The following FRAS1 variants were observed in gnomAD, a reference collection of about 807,000 sequenced individuals.
FRAS1 encodes the protein Fraser extracellular matrix complex subunit 1.
In FRAS1, 290 loss-of-function variants were observed where a neutral mutation model predicts 435.2. That is an observed-to-expected ratio of 0.67 (90% CI 0.61 to 0.73). FRAS1 has a LOEUF of 0.73. FRAS1 is among the 30% of genes least tolerant of loss of function. The pLI, the probability that FRAS1 is intolerant of heterozygous loss-of-function variation, is 0.00. For synonymous variants in FRAS1, 1,800 were observed against 1,851.0 expected (o/e 0.97, Z 0.71); for missense variants, 4,860 against 5,001.5 (o/e 0.97, Z 0.85).
intron 2 of FRAS1, among the ~76,000 whole-genome samples, chr4:78,189,377 C>T (rs986793456): frequency 6.6e-6 from 1 of 152,192 alleles, no homozygotes; most frequent in African/African-American, 2.4e-5. Flanking sequence ...CTCTGATATT[C>T]CTATAATGAG....
intron 6 of FRAS1, among the ~76,000 whole-genome samples, chr4:78,263,217 G>A (rs552290256): frequency 7.2e-4 from 109 of 152,344 alleles, no homozygotes; most frequent in Middle Eastern, 3.4e-3. Flanking sequence ...TGGCTGTAAA[G>A]CACCAGCCCA....
rs79406886 is a variant in FRAS1 at position 78,496,211 on chromosome 4, C to T, written c.8959-594C>T. ...CTGTTGAGAAACACTTGGTTTCTTT[C>T]CATCAAACAGGGATTTGGATTGTGG... is the stretch of plus-strand genomic sequence containing the variant. On this transcript the variant is annotated intron_variant, in intron 59 of 73. Coordinates refer to ENST00000512123, the MANE Select transcript of FRAS1 (RefSeq NM_025074.7). 5.3e-4 allele frequency among the ~76,000 whole-genome samples: 80 copies of T among 152,296 alleles called. 1 individual carries two copies. The East Asian group carries it at 0.012, about 23-fold the overall frequency.
chr4:78,088,479 G>C (rs1741325176), intron 2 of FRAS1, among the ~76,000 whole-genome samples: 1 of 151,860 alleles, frequency 6.6e-6, no homozygotes, highest in South Asian at 2.1e-4. Flanking sequence ...ACTACCATCA[G>C]AGTGAACAGG....
At chr4:78,173,365 T>C (rs1455923174) in intron 2 of FRAS1, among the ~76,000 whole-genome samples, 1 of 152,232 alleles carries the variant, frequency 6.6e-6, no homozygotes, top group Non-Finnish European at 1.5e-5. Flanking sequence ...ATCCTGATGC[T>C]GTTGTCTCCT....
intron 2 of FRAS1, among the ~76,000 whole-genome samples, chr4:78,195,772 C>A (rs925146502): frequency 6.6e-6 from 1 of 152,082 alleles, no homozygotes; most frequent in Non-Finnish European, 1.5e-5. Flanking sequence ...GTGCGCTGCA[C>A]CCACTGTCCT....
At chr4:78,392,265 T>C (rs1023052726) in intron 29 of FRAS1, among the ~76,000 whole-genome samples, 3 of 152,192 alleles carry the variant, frequency 2.0e-5, no homozygotes, top group African/African-American at 7.2e-5. Flanking sequence ...ATAGCTATGA[T>C]ATAAATGAGA....
chr4:78,161,175 GA>G (rs200489858), intron 2 of FRAS1, among the ~76,000 whole-genome samples: 7,606 of 152,004 alleles, frequency 0.05, 257 homozygotes, highest in Admixed American at 0.084. Flanking sequence ...GCTTTATAAA[GA>G]AAAGGAAAGT....
intron 2 of FRAS1, among the ~76,000 whole-genome samples, chr4:78,161,742 CAAAAAAAAAA>C (rs71214399): frequency 6.0e-4 from 15 of 24,884 alleles, no homozygotes; most frequent in African/African-American, 1.6e-3. Context: ...AACTCTGTCT[CAAAAAAAAAA>C]AAAAAAAAAA....
At chr4:78,384,569 A>G (rs1431859728) in intron 28 of FRAS1, among the ~76,000 whole-genome samples, 1 of 152,080 alleles carries the variant, frequency 6.6e-6, no homozygotes, top group East Asian at 1.9e-4. Context: ...TATGACGCAT[A>G]ACTTTACTAT....
chr4:78,340,493 C>T (rs558031872), intron 20 of FRAS1, among the ~76,000 whole-genome samples: 5 of 152,218 alleles, frequency 3.3e-5, no homozygotes, highest in Non-Finnish European at 7.3e-5. Context: ...TGCATTCACT[C>T]ATGTACAGAT....
At chr4:78,254,354 G>A (rs1191147391) in intron 5 of FRAS1, among the ~76,000 whole-genome samples, 1 of 152,136 alleles carries the variant, frequency 6.6e-6, no homozygotes, top group African/African-American at 2.4e-5. Flanking sequence ...ATTTCTTTCT[G>A]ATCCCCAGTT....
chr4:78,465,583 C>A (rs1719503008), intron 49 of FRAS1, among the ~76,000 whole-genome samples: 1 of 152,210 alleles, frequency 6.6e-6, no homozygotes, highest in Non-Finnish European at 1.5e-5. Context: ...CACTTAGACT[C>A]TGGGAATAAC....
In FRAS1 at chr4:78,450,292, C is replaced by A. The variant is rs2109834809; in HGVS notation, c.6416C>A (p.Ser2139Tyr). ...AAGCATGGCAACCTGGAGCAAATTT[C>A]TATTAAAGGCCCCATCCGAAGTTTC... Reference protein sequence around the residue: ...MMKHGNLEQISIKGPIRSFTQ... With the variant: ...MMKHGNLEQIYIKGPIRSFTQ... The change falls in exon 45 of 74, where the codon TCT becomes TAT. Residue 2139 changes from serine to tyrosine, a missense_variant. By Grantham distance (144) the Ser-to-Tyr change is moderately radical (BLOSUM62 -2). Coordinates refer to ENST00000512123, the MANE Select transcript of FRAS1 (RefSeq NM_025074.7). 6.2e-7 allele frequency: 1 copy of A among 1,613,848 alleles called. No individual in the cohort carries two copies. Among genetic ancestry groups the A allele is most frequent in the Non-Finnish European group, 8.5e-7 (1 of 1,179,792 alleles).
At chr4:78,183,732 T>TTGTGTGTGTGTGTGTGTGTG (rs3974339) in intron 2 of FRAS1, among the ~76,000 whole-genome samples, 7 of 136,940 alleles carry the variant, frequency 5.1e-5, no homozygotes, top group Non-Finnish European at 1.1e-4. Context: ...TTCATTCTCT[T>TTGTGTGTGTGTGTGTGTGTG]TGTGTGTGTG....
chr4:78,181,785 C>T (rs1722014872), intron 2 of FRAS1: 3 of 1,611,718 alleles, frequency 1.9e-6, no homozygotes, highest in East Asian at 2.2e-5. Flanking sequence ...TTGTCAACCA[C>T]GCCAACGCTG....
chr4:78,153,999 T>G (rs1430506874), intron 2 of FRAS1, among the ~76,000 whole-genome samples: 1 of 152,184 alleles, frequency 6.6e-6, no homozygotes. Flanking sequence ...GAATTTTTTT[T>G]CTGTCGAAAA....
intron 2 of FRAS1, among the ~76,000 whole-genome samples, chr4:78,112,420 C>T (rs1215215525): frequency 6.6e-6 from 1 of 151,984 alleles, no homozygotes; most frequent in African/African-American, 2.4e-5. Flanking sequence ...TATTTTTTAT[C>T]TTGGTAGTTT....
chr4:78,325,436 G>A (rs368445424), intron 18 of FRAS1, among the ~76,000 whole-genome samples: 12 of 152,328 alleles, frequency 7.9e-5, no homozygotes, highest in African/African-American at 2.9e-4. Context: ...TGCCTGTACA[G>A]CTTAAGAGTA....
intron 19 of FRAS1, among the ~76,000 whole-genome samples, chr4:78,336,740 G>T (rs529056651): frequency 1.3e-5 from 2 of 151,840 alleles, no homozygotes; most frequent in Non-Finnish European, 2.9e-5. Context: ...CACCAGCCAC[G>T]TGCCAGGAGG....
Sources: allele counts gnomAD v4.1 joint callset (sites outside exome capture counted in the v4.1 genomes callset), GRCh38; gene constraint gnomAD v4.1.1; transcripts MANE v1.5; gene names NCBI Gene and HGNC (gene_info 2026-07-23, HGNC 2026-07-21).